Variants in ZFP91 observed in about 807,000 individuals in gnomAD.
ZFP91 encodes E3 ubiquitin-protein ligase ZFP91.
In ZFP91, 7 loss-of-function variants were observed where a neutral mutation model predicts 63.5. The observed-to-expected ratio is 0.11, with a 90% confidence interval of 0.06 to 0.21. The LOEUF is 0.21. ZFP91 is among the 10% of genes least tolerant of loss of function. The probability of loss-of-function intolerance (pLI) is 1.00; values close to 1 mark genes in which losing one functional copy is unlikely to be tolerated. For missense variants in ZFP91, 628 were observed against 736.6 expected (o/e 0.85, Z 1.71); for synonymous variants, 330 against 272.1 (o/e 1.21, Z -2.10).
Position 58,611,638 on chromosome 11 carries a change from G to A in ZFP91, c.757G>A (p.Val253Ile), listed in dbSNP as rs765683696. The A allele has an allele frequency of 3.1e-6, 5 of 1,612,722 alleles. No individual in the cohort carries two copies. The African/African-American group carries it at 6.7e-5, about 22-fold the overall frequency. Residue 253 changes from valine (V) to isoleucine (I), a missense_variant, in exon 6 of 11, where the codon GTA becomes ATA. By Grantham distance (29) the Val-to-Ile change is conservative. This residue lies in a region of ZFP91 where 437 missense variants were observed against 380.3 expected (regional missense o/e 1.15). Transcript: ENST00000316059. ...TPKPRRKSGKVKEEKEKKEIK... is the reference protein window; with the variant it reads ...TPKPRRKSGKIKEEKEKKEIK... ...AAAGCCACGGAGAAAATCAGGGAAGGTAAAAGAAGAGAAGGAGAAGAAGGA... is the reference window on the plus strand; with the variant it reads ...AAAGCCACGGAGAAAATCAGGGAAGATAAAAGAAGAGAAGGAGAAGAAGGA...
intron 1 of ZFP91, among the ~76,000 whole-genome samples, chr11:58,582,019 T>C (rs1174873937): frequency 6.6e-6 from 1 of 152,240 alleles, no homozygotes; most frequent in African/African-American, 2.4e-5. Flanking sequence ...AATAGAGTTT[T>C]TGTTACACAT....
At chr11:58,600,926 CCT>C (rs1855481951) in intron 2 of ZFP91, among the ~76,000 whole-genome samples, 1 of 151,844 alleles carries the variant, frequency 6.6e-6, no homozygotes, top group East Asian at 1.9e-4. Context: ...TGTGTTTTTT[CCT>C]CTCTTTATTA....
At chr11:58,596,165 C>A (rs2134402202) in intron 2 of ZFP91, among the ~76,000 whole-genome samples, 1 of 152,036 alleles carries the variant, frequency 6.6e-6, no homozygotes. Flanking sequence ...TTTAAAAAAA[C>A]CATAAGGAAG....
At position 58,618,880 on chromosome 11, in the gene ZFP91, T is replaced by C; in HGVS notation, c.*1174T>C. ...TTACAGTGTTGAAACTTAAGAATTTTGAGAGGGTGAGGAGGGTTGTTCAGA... is the reference window on the plus strand; with the variant it reads ...TTACAGTGTTGAAACTTAAGAATTTCGAGAGGGTGAGGAGGGTTGTTCAGA... On this transcript the variant is annotated 3_prime_UTR_variant, in exon 11 of 11. Transcript: ENST00000316059. The C allele has an allele frequency of 3.7e-6, 1 of 272,598 alleles. No homozygotes were observed. Among genetic ancestry groups the C allele is most frequent in the Non-Finnish European group, 7.3e-6 (1 of 137,914 alleles). The allele number at this position is 272,598 out of a possible 1,614,324, so 16.9% of individuals were successfully genotyped here. A position where few individuals can be genotyped will look rare whatever the true frequency, so the allele number is the denominator to read the frequency against.
At chr11:58,588,034 A>G (rs1414084429) in intron 2 of ZFP91, among the ~76,000 whole-genome samples, 1 of 152,158 alleles carries the variant, frequency 6.6e-6, no homozygotes, top group Admixed American at 6.5e-5. Flanking sequence ...CAGTGTAAAT[A>G]CCAAAATTTT....
At chr11:58,583,286 C>A (rs1038279733) in intron 1 of ZFP91, among the ~76,000 whole-genome samples, 2 of 152,164 alleles carry the variant, frequency 1.3e-5, no homozygotes, top group Non-Finnish European at 2.9e-5. Context: ...ATTCTAACTT[C>A]GCTGTTGAGT....
chr11:58,620,822 T>G lies in ZFP91; in HGVS notation c.*3116T>G, dbSNP rs1855837902. 6.6e-6 allele frequency: 1 copy of G among 152,652 alleles called. No individual in the cohort carries two copies. 9.5% of individuals were successfully genotyped at this position (152,652 alleles called of 1,614,324 possible). A position where few individuals can be genotyped will look rare whatever the true frequency, so the allele number is the denominator to read the frequency against. On this transcript the variant is annotated 3_prime_UTR_variant, in exon 11 of 11. Coordinates refer to ENST00000316059, the MANE Select transcript of ZFP91 (RefSeq NM_053023.5). The stretch of plus-strand genomic sequence containing the variant: ...TGTAATGGATCAATTTAAAATATTT[T>G]ATTTCTTAAAAGCCTTTTTTGCCTG...
At chr11:58,612,057 G>A in intron 6 of ZFP91, 2 of 563,510 alleles carry the variant, frequency 3.5e-6, no homozygotes, top group Non-Finnish European at 3.1e-6. Flanking sequence ...GTTTATGGAA[G>A]GTATATATTT....
At chr11:58,582,681 A>G (rs1855138572) in intron 1 of ZFP91, among the ~76,000 whole-genome samples, 1 of 152,200 alleles carries the variant, frequency 6.6e-6, no homozygotes, top group African/African-American at 2.4e-5. Context: ...AGTGGCCTTG[A>G]GCAAGTCACT....
chr11:58,615,742 T>C (rs183485546), intron 9 of ZFP91, among the ~76,000 whole-genome samples: 1 of 152,338 alleles, frequency 6.6e-6, no homozygotes, highest in Non-Finnish European at 1.5e-5. Flanking sequence ...CAGGCCCTGC[T>C]TCAGACCTGC....
intron 2 of ZFP91, among the ~76,000 whole-genome samples, chr11:58,608,762 G>A (rs189374041): frequency 3.3e-5 from 5 of 152,112 alleles, no homozygotes; most frequent in Non-Finnish European, 1.5e-5. Flanking sequence ...GCACCACGAC[G>A]CCTGGCTACC....
chr11:58,615,653 A>C (rs1432217727), intron 9 of ZFP91, among the ~76,000 whole-genome samples: 1 of 152,176 alleles, frequency 6.6e-6, no homozygotes. Flanking sequence ...GTGCGTTTTT[A>C]GACCTTGCTA....
intron 2 of ZFP91, among the ~76,000 whole-genome samples, chr11:58,607,005 T>C (rs61889534): frequency 4.9e-4 from 75 of 152,252 alleles, no homozygotes; most frequent in Non-Finnish European, 8.7e-4. Context: ...TAGGCTATTA[T>C]GCCTTATTCA....
rs1401972470 is a variant in ZFP91 at position 58,579,105 on chromosome 11, T to G, written c.-177T>G. 27 of 313,120 alleles carry G rather than the reference T, an allele frequency of 8.6e-5. No homozygotes were observed. Among genetic ancestry groups the G allele is most frequent in the African/African-American group, 7.2e-4 (9 of 12,420 alleles). 19.4% of individuals were successfully genotyped at this position (313,120 alleles called of 1,614,324 possible). A position where few individuals can be genotyped will look rare whatever the true frequency, so the allele number is the denominator to read the frequency against. Reference sequence around the variant, plus strand: ...GCCGCCAGCGGTAGCGGACCTTGAGTGGCAGGGGGTGGGGGGGGCGCCCTC... The same window carrying G: ...GCCGCCAGCGGTAGCGGACCTTGAGGGGCAGGGGGTGGGGGGGGCGCCCTC... On this transcript the variant is annotated 5_prime_UTR_variant, in exon 1 of 11. Transcript: ENST00000316059.
chr11:58,598,612 A>G (rs968868311), intron 2 of ZFP91, among the ~76,000 whole-genome samples: 7 of 152,054 alleles, frequency 4.6e-5, no homozygotes, highest in African/African-American at 1.7e-4. Flanking sequence ...ATAAGAAACA[A>G]CTGGAAATTG....
At chr11:58,591,694 C>A (rs574357819) in intron 2 of ZFP91, among the ~76,000 whole-genome samples, 6 of 152,094 alleles carry the variant, frequency 3.9e-5, no homozygotes, top group Non-Finnish European at 8.8e-5. Flanking sequence ...CTCAGACATA[C>A]AATTTGTGTT....
In ZFP91 at chr11:58,579,408, G is replaced by C; in HGVS notation, c.127G>C (p.Gly43Arg). 6.9e-7 allele frequency: 1 copy of C among 1,458,690 alleles called. No individual in the cohort carries two copies. Among genetic ancestry groups the C allele is most frequent in the East Asian group, 2.9e-5 (1 of 34,048 alleles). 90.4% of individuals were successfully genotyped at this position (1,458,690 alleles called of 1,614,324 possible). Reference sequence around the variant, plus strand: ...TGAGGCGGTCGCGGCGGCGCCTGCAGGGACCACTAGCAGCCGCGTGCTGAG... The same window carrying C: ...TGAGGCGGTCGCGGCGGCGCCTGCACGGACCACTAGCAGCCGCGTGCTGAG... Reference protein sequence around the residue: ...PPEAVAAAPAGTTSSRVLRGG... With the variant: ...PPEAVAAAPARTTSSRVLRGG... The change falls in exon 1 of 11, where the codon GGG (glycine) becomes CGG (arginine). Residue 43 changes from glycine to arginine, a missense_variant. Gly to Arg is a moderately radical substitution (Grantham distance 125). Transcript: ENST00000316059.
chr11:58,579,383 T>A lies in ZFP91; in HGVS notation c.102T>A (p.Pro34=). The change falls in exon 1 of 11, where the codon CCT becomes CCA. Residue 34 remains proline, a synonymous_variant. Coordinates refer to ENST00000316059, the MANE Select transcript of ZFP91 (RefSeq NM_053023.5). The stretch of plus-strand genomic sequence containing the variant: ...CGGAGGAGCCCCAACAACGGCCCCC[T>A]GAGGCGGTCGCGGCGGCGCCTGCAG... ...AAPEEPQQRP[P]EAVAAAPAGT... 1 of 1,481,944 alleles carries A rather than the reference T, an allele frequency of 6.7e-7. No homozygotes were observed. Among genetic ancestry groups the A allele is most frequent in the South Asian group, 1.3e-5 (1 of 77,878 alleles). 91.8% of individuals were successfully genotyped at this position (1,481,944 alleles called of 1,614,324 possible).
At chr11:58,592,647 G>A (rs969589209) in intron 2 of ZFP91, among the ~76,000 whole-genome samples, 7 of 152,094 alleles carry the variant, frequency 4.6e-5, no homozygotes, top group African/African-American at 7.2e-5. Context: ...TGTAGTTACC[G>A]AACGCTGGGG....
Sources: allele counts gnomAD v4.1 joint callset (sites outside exome capture counted in the v4.1 genomes callset), GRCh38; gene constraint gnomAD v4.1.1; regional missense constraint gnomAD v4.1.1; transcripts MANE v1.5; gene names NCBI Gene and HGNC (gene_info 2026-07-23, HGNC 2026-07-21).